Variants in GPHN observed in about 807,000 individuals in gnomAD.
The protein encoded by GPHN is gephyrin.
In GPHN, 17 loss-of-function variants were observed where a neutral mutation model predicts 95.5. The observed-to-expected ratio is 0.18, with a 90% CI of 0.12 to 0.27. GPHN has a LOEUF of 0.27. GPHN is among the 10% of genes least tolerant of loss of function. The probability of loss-of-function intolerance (pLI) is 1.00; values close to 1 mark genes in which losing one functional copy is unlikely to be tolerated. For synonymous variants in GPHN, 320 were observed against 322.5 expected, an observed-to-expected ratio of 0.99 and a Z score of 0.08; for missense variants, 660 against 978.1, an observed-to-expected ratio of 0.67 and a Z score of 4.34.
chr14:66,735,069 A>C (rs1048003925), intron 2 of GPHN, among the ~76,000 whole-genome samples: 18 of 152,306 alleles, frequency 1.2e-4, no homozygotes, highest in African/African-American at 4.1e-4. Context: ...TGCATTATTA[A>C]AATCCATGAA....
At chr14:67,262,010 C>T in the GPHN span, among the ~76,000 whole-genome samples, 4 of 152,098 alleles carry the variant, frequency 2.6e-5, no homozygotes, top group Admixed American at 6.6e-5. Context: ...GTAACTAACA[C>T]AGCACTGTGG....
Position 67,115,163 on chromosome 14 carries a change from T to C in GPHN, c.1626+1992T>C, listed in dbSNP as rs112803801. On this transcript the variant is annotated intron_variant, in intron 16 of 22. Coordinates refer to ENST00000478722, the MANE Select transcript of GPHN (RefSeq NM_020806.5). ...ATTCAAAGTTAGTTTTTATTATGACTCTATGATCATATAGTTTAGTTTTGT... is the reference window on the plus strand; with the variant it reads ...ATTCAAAGTTAGTTTTTATTATGACCCTATGATCATATAGTTTAGTTTTGT... Among the ~76,000 whole-genome samples the C allele has an allele frequency of 1.1e-3, 172 of 152,264 alleles. 1 individual carries two copies. Among genetic ancestry groups the C allele is most frequent in the African/African-American group, 4.1e-3 (170 of 41,550 alleles).
intron 11 of GPHN, among the ~76,000 whole-genome samples, chr14:67,077,964 T>C (rs1384324242): frequency 6.6e-6 from 1 of 152,200 alleles, no homozygotes; most frequent in Non-Finnish European, 1.5e-5. Context: ...TTAAGATTTC[T>C]GACACTCTGT....
chr14:67,650,867 C>A, the GPHN span: 16 of 1,614,094 alleles, frequency 9.9e-6, no homozygotes, highest in Non-Finnish European at 1.2e-5. Flanking sequence ...TGACCAACTT[C>A]CTACTCCCAG....
At chr14:66,985,676 T>A in intron 9 of GPHN, 1 of 1,524,502 alleles carries the variant, frequency 6.6e-7, no homozygotes, top group East Asian at 2.5e-5. Context: ...TCTTCCCTCA[T>A]TGTAGCAAAT....
At chr14:67,551,762 G>A in the GPHN span, among the ~76,000 whole-genome samples, 6 of 152,088 alleles carry the variant, frequency 3.9e-5, no homozygotes, top group African/African-American at 1.4e-4. Context: ...GGTGGTGCAC[G>A]TTTGTAATCA....
chr14:67,378,880 C>T, the GPHN span, among the ~76,000 whole-genome samples: 1 of 152,126 alleles, frequency 6.6e-6, no homozygotes. Flanking sequence ...CAGTGATAAC[C>T]ACTATTCTGA....
At chr14:67,196,223 C>CTTT in the GPHN span, among the ~76,000 whole-genome samples, 35 of 143,140 alleles carry the variant, frequency 2.4e-4, 1 homozygote, top group East Asian at 1.6e-3. Context: ...TTCTTTCTTT[C>CTTT]TTTTTTTTTT....
At chr14:66,634,327 G>A (rs1041249701) in intron 1 of GPHN, among the ~76,000 whole-genome samples, 1 of 151,838 alleles carries the variant, frequency 6.6e-6, no homozygotes, top group African/African-American at 2.4e-5. Context: ...ATTGGTTCTC[G>A]GTGATTGCAA....
intron 21 of GPHN, among the ~76,000 whole-genome samples, chr14:67,174,675 G>A (rs1010331126): frequency 1.3e-5 from 2 of 152,108 alleles, no homozygotes; most frequent in Non-Finnish European, 2.9e-5. Flanking sequence ...CACAATGGTT[G>A]AACTAATTTA....
intron 9 of GPHN, among the ~76,000 whole-genome samples, chr14:66,988,179 T>A (rs1719741156): frequency 6.6e-6 from 1 of 152,060 alleles, no homozygotes; most frequent in South Asian, 2.1e-4. Context: ...AAAGATTAAA[T>A]TAGCAGGGTA....
At chr14:66,693,647 C>G (rs1275223329) in intron 2 of GPHN, among the ~76,000 whole-genome samples, 1 of 152,048 alleles carries the variant, frequency 6.6e-6, no homozygotes, top group Non-Finnish European at 1.5e-5. Context: ...TAGGTCTGCC[C>G]ACATTGAGGG....
the GPHN span, chr14:67,364,882 TACA>T: frequency 6.2e-7 from 1 of 1,614,070 alleles, no homozygotes; most frequent in Non-Finnish European, 8.5e-7. Flanking sequence ...CTTGCTGGAA[TACA>T]ACAACATTGA....
the GPHN span, among the ~76,000 whole-genome samples, chr14:67,233,395 G>A: frequency 6.6e-6 from 1 of 152,132 alleles, no homozygotes; most frequent in Non-Finnish European, 1.5e-5. Flanking sequence ...GCCCACCTTG[G>A]CTTCCCAACA....
intron 8 of GPHN, among the ~76,000 whole-genome samples, chr14:66,930,500 A>G (rs989285074): frequency 9.9e-5 from 15 of 151,256 alleles, no homozygotes; most frequent in Non-Finnish European, 1.6e-4. Context: ...TATATTTTAT[A>G]ATAGTATGTC....
chr14:66,959,843 G>A (rs567523965), intron 8 of GPHN, among the ~76,000 whole-genome samples: 7 of 151,742 alleles, frequency 4.6e-5, no homozygotes, highest in Admixed American at 3.3e-4. Context: ...CTCTCCTTCT[G>A]GGACCACCAT....
the GPHN span, chr14:67,714,751 G>A: frequency 0.97 from 147,899 of 152,446 alleles, 71,879 homozygotes; most frequent in East Asian, 1. Flanking sequence ...GTTGAAAAGA[G>A]ACTAAGGGAT....
chr14:66,616,023 G>T (rs1217580040), intron 1 of GPHN, among the ~76,000 whole-genome samples: 3 of 151,756 alleles, frequency 2.0e-5, no homozygotes, highest in Non-Finnish European at 4.4e-5. Context: ...AAGATCAGAT[G>T]GTTGTAGATG....
intron 1 of GPHN, among the ~76,000 whole-genome samples, chr14:66,595,862 C>T (rs765748545): frequency 3.9e-5 from 6 of 152,170 alleles, no homozygotes; most frequent in South Asian, 2.1e-4. Flanking sequence ...CTCTTTCAGT[C>T]GTGCCGTTCC....
Sources: gnomAD v4.1 joint callset for allele counts (sites outside exome capture counted in the v4.1 genomes callset) on GRCh38, gnomAD v4.1.1 for gene constraint, MANE v1.5 for transcripts, NCBI Gene and HGNC (gene_info 2026-07-23, HGNC 2026-07-21) for gene names.